The following FUT8 variants were observed in gnomAD, a reference collection of about 807,000 sequenced individuals.
The protein encoded by FUT8 is alpha-(1,6)-fucosyltransferase.
Under a neutral mutation model 71.3 loss-of-function variants are expected in FUT8, and 29 were observed. The observed-to-expected ratio is 0.41, with a 90% confidence interval of 0.30 to 0.55. The LOEUF (loss-of-function observed/expected upper bound fraction) is 0.55. Among genes scored for constraint, FUT8 ranks in the 20% least tolerant of loss-of-function variants. The probability of loss-of-function intolerance (pLI) is 0.34; values close to 1 mark genes in which losing one functional copy is unlikely to be tolerated. For synonymous variants in FUT8, 254 were observed against 239.3 expected, an observed-to-expected ratio of 1.06 and a Z score of -0.57; for missense variants, 544 against 702.1, an observed-to-expected ratio of 0.77 and a Z score of 2.55.
chr14:65,484,055 A>G (rs1566777356), intron 2 of FUT8, among the ~76,000 whole-genome samples: 1 of 152,206 alleles, frequency 6.6e-6, no homozygotes. Flanking sequence ...ATTGTTCATT[A>G]CTAATGTATA....
At chr14:65,580,070 T>TATATATA (rs3986817) in intron 3 of FUT8, among the ~76,000 whole-genome samples, 3 of 142,832 alleles carry the variant, frequency 2.1e-5, no homozygotes, top group African/African-American at 7.9e-5. Flanking sequence ...GTGCTATATT[T>TATATATA]TATATATATA....
chr14:65,476,203 G>T lies in FUT8; in HGVS notation c.-228+20485G>T, dbSNP rs1594675361. 1.3e-5 allele frequency among the ~76,000 whole-genome samples: 2 copies of T among 152,270 alleles called. 1 individual carries two copies. Among genetic ancestry groups the T allele is most frequent in the South Asian group, 4.2e-4 (2 of 4,816 alleles). Reference sequence around the variant, plus strand: ...CCCAGCTGCCAAGTATATGTGACTAGTGGTTTGTCCAGAGCAGGACTGGAG... The same window carrying T: ...CCCAGCTGCCAAGTATATGTGACTATTGGTTTGTCCAGAGCAGGACTGGAG... On this transcript the variant is annotated intron_variant, in intron 2 of 10. Coordinates refer to ENST00000673929, the MANE Select transcript of FUT8 (RefSeq NM_001371533.1).
intron 3 of FUT8, among the ~76,000 whole-genome samples, chr14:65,609,504 ACTGT>A (rs1185475413): frequency 6.6e-5 from 10 of 151,824 alleles, no homozygotes; most frequent in Admixed American, 5.9e-4. Flanking sequence ...TGTTGTGAAA[ACTGT>A]CTGCTAAATT....
chr14:65,691,369 A>T (rs1566898067), intron 7 of FUT8, among the ~76,000 whole-genome samples: 1 of 151,204 alleles, frequency 6.6e-6, no homozygotes, highest in Non-Finnish European at 1.5e-5. Context: ...TCTCACCATT[A>T]TGCAGTTTGC....
chr14:65,570,685 T>C (rs116691757), intron 3 of FUT8, among the ~76,000 whole-genome samples: 1 of 152,192 alleles, frequency 6.6e-6, no homozygotes, highest in African/African-American at 2.4e-5. Context: ...CCTTCTATTG[T>C]ATACCTTAAT....
intron 3 of FUT8, among the ~76,000 whole-genome samples, chr14:65,604,682 C>T (rs2140179976): frequency 6.6e-6 from 1 of 151,950 alleles, no homozygotes; most frequent in African/African-American, 2.4e-5. Flanking sequence ...TAAGGTCACA[C>T]CTCAAGGAAC....
Position 65,537,964 on chromosome 14 carries a change from C to T in FUT8, c.-227-23373C>T, listed in dbSNP as rs183098074. On this transcript the variant is annotated intron_variant, in intron 2 of 10. Coordinates refer to ENST00000673929, the MANE Select transcript of FUT8 (RefSeq NM_001371533.1). ...ATCTATCCTTGTTCGCATGTGCCAG[C>T]GGCAGTGGCAATGTGGCGGGGTGCA... is the stretch of plus-strand genomic sequence containing the variant. Among the ~76,000 whole-genome samples the T allele has an allele frequency of 3.3e-4, 51 of 152,266 alleles. 1 individual carries two copies. Among genetic ancestry groups the T allele is most frequent in the Non-Finnish European group, 5.7e-4 (39 of 68,016 alleles).
chr14:65,569,295 G>T (rs1343227986), intron 3 of FUT8, among the ~76,000 whole-genome samples: 1 of 151,546 alleles, frequency 6.6e-6, no homozygotes, highest in African/African-American at 2.4e-5. Flanking sequence ...TTCAAATACT[G>T]CTTCTGAAGC....
chr14:65,720,091 A>G (rs1895335339), intron 7 of FUT8, among the ~76,000 whole-genome samples: 1 of 152,176 alleles, frequency 6.6e-6, no homozygotes, highest in Non-Finnish European at 1.5e-5. Flanking sequence ...CAGAGATGCC[A>G]TCTGGGAGCC....
chr14:65,436,616 G>C (rs965425360), intron 1 of FUT8, among the ~76,000 whole-genome samples: 90 of 136,078 alleles, frequency 6.6e-4, no homozygotes, highest in African/African-American at 2.3e-3. Context: ...GCGACAGAGC[G>C]AGACTCCCTC....
At chr14:65,714,708 C>G (rs888919268) in intron 7 of FUT8, among the ~76,000 whole-genome samples, 3 of 152,096 alleles carry the variant, frequency 2.0e-5, no homozygotes, top group Non-Finnish European at 4.4e-5. Context: ...TTCTTCCAAT[C>G]TATGAACATG....
At chr14:65,632,242 A>G (rs1468669522) in intron 6 of FUT8, among the ~76,000 whole-genome samples, 1 of 152,196 alleles carries the variant, frequency 6.6e-6, no homozygotes, top group Non-Finnish European at 1.5e-5. Context: ...GTAGATACCC[A>G]GTAGTGGGAT....
At chr14:65,655,502 G>A (rs1038143404) in intron 6 of FUT8, among the ~76,000 whole-genome samples, 5 of 150,128 alleles carry the variant, frequency 3.3e-5, no homozygotes, top group Non-Finnish European at 7.4e-5. Flanking sequence ...AAAGTACAGT[G>A]ACTGTATTAA....
rs1304452741 is a variant in FUT8 at position 65,669,235 on chromosome 14, C to T, written c.598-8C>T. On this transcript the variant is annotated splice_polypyrimidine_tract_variant and splice_region_variant and intron_variant, in intron 6 of 10. Transcript: ENST00000673929. The surrounding 1 kb of genome is among the most constrained non-coding windows in gnomAD (Gnocchi z 4.5). ...ATCTTTATTTTCATTTCTCTTTCTCCCTGACAGAATCCCAAGGACTGCAGC... is the reference window on the plus strand; with the variant it reads ...ATCTTTATTTTCATTTCTCTTTCTCTCTGACAGAATCCCAAGGACTGCAGC... The T allele has an allele frequency of 1.9e-6, 3 of 1,605,560 alleles. No individual in the cohort carries two copies. In the Admixed American group the frequency reaches 5.0e-5, roughly 27 times the overall value.
At chr14:65,527,356 C>G (rs1439961601) in intron 2 of FUT8, among the ~76,000 whole-genome samples, 5 of 152,188 alleles carry the variant, frequency 3.3e-5, no homozygotes, top group Non-Finnish European at 2.9e-5. Flanking sequence ...TTGATTGAAT[C>G]AGCTACTGAA....
In FUT8 at chr14:65,611,239, A is replaced by G. The variant is rs1888937261; in HGVS notation, c.204-4739A>G. Among the ~76,000 whole-genome samples the G allele has an allele frequency of 4.3e-4, 3 of 7,048 alleles. 1 individual carries two copies. The highest frequency in any genetic ancestry group is 3.6e-3 in the East Asian group (1 of 280). 4.6% of individuals were successfully genotyped at this position (7,048 alleles called of 152,430 possible). On this transcript the variant is annotated intron_variant, in intron 3 of 10. Coordinates refer to ENST00000673929, the MANE Select transcript of FUT8 (RefSeq NM_001371533.1). ...CGCGCGCGCGCACACACACACACAC[A>G]CACACACACACACACACACACACAC...
At chr14:65,364,539 G>A in the FUT8 span, among the ~76,000 whole-genome samples, 2 of 152,102 alleles carry the variant, frequency 1.3e-5, no homozygotes, top group Admixed American at 1.3e-4. Flanking sequence ...CTAGTGCAAG[G>A]CGCCCTTATC....
At chr14:65,685,816 T>G (rs1256886557) in intron 7 of FUT8, among the ~76,000 whole-genome samples, 1 of 152,222 alleles carries the variant, frequency 6.6e-6, no homozygotes, top group Non-Finnish European at 1.5e-5. Context: ...CCTCTTAGCA[T>G]GCTAATGTAT....
chr14:65,583,967 C>T (rs1420286384), intron 3 of FUT8, among the ~76,000 whole-genome samples: 1 of 152,164 alleles, frequency 6.6e-6, no homozygotes, highest in African/African-American at 2.4e-5. Context: ...GCGAGCTCTG[C>T]CTCTCCGGTT....
Sources: gnomAD v4.1 joint callset for allele counts (sites outside exome capture counted in the v4.1 genomes callset) on GRCh38, gnomAD v4.1.1 for gene constraint, Gnocchi (gnomAD v3.1) non-coding constraint, MANE v1.5 for transcripts, NCBI Gene and HGNC (gene_info 2026-07-23, HGNC 2026-07-21) for gene names.